Variants in CATSPERE observed in about 807,000 individuals in gnomAD.
CATSPERE encodes the protein cation channel sperm-associated auxiliary subunit epsilon.
CATSPERE carries 93 observed loss-of-function variants against 114.1 expected under a neutral mutation model. That is an observed-to-expected ratio of 0.81 (90% CI 0.69 to 0.97). CATSPERE has a LOEUF of 0.97. CATSPERE is among the 50% of genes least tolerant of loss of function. The pLI is 0.00. For synonymous variants in CATSPERE, 341 were observed against 384.1 expected (o/e 0.89, Z 1.31); for missense variants, 1,058 against 1,131.6 (o/e 0.93, Z 0.93).
At chr1:244,580,162 G>A (rs1036616187) in intron 11 of CATSPERE, among the ~76,000 whole-genome samples, 61 of 150,756 alleles carry the variant, frequency 4.0e-4, no homozygotes, top group African/African-American at 1.1e-3. Flanking sequence ...TCAGCCTCCC[G>A]AGTAATTGGG....
chr1:244,547,590 A>C (rs1428699668), intron 8 of CATSPERE, among the ~76,000 whole-genome samples: 1 of 118,562 alleles, frequency 8.4e-6, no homozygotes, highest in African/African-American at 4.7e-5. Flanking sequence ...ATTTCAATCT[A>C]AGTTAAGTTG....
At position 244,596,339 on chromosome 1, in the gene CATSPERE, T is replaced by A. The variant is rs147853202; in HGVS notation, c.2303+2761T>A. Reference sequence around the variant, plus strand: ...ATATAGCTAGCCAGCAATCCATGAGTGCTACTCTGCCTATGCGATAGCCCT... The same window carrying A: ...ATATAGCTAGCCAGCAATCCATGAGAGCTACTCTGCCTATGCGATAGCCCT... On this transcript the variant is annotated intron_variant, in intron 17 of 21. Transcript: ENST00000366534. Among the ~76,000 whole-genome samples the A allele has an allele frequency of 8.1e-3, 1,234 of 152,290 alleles. 21 individuals are homozygous for A. The highest frequency in any genetic ancestry group is 0.028 in the African/African-American group (1,162 of 41,544).
rs866118488 is a variant in CATSPERE, at chr1:244,621,084, A to T, written c.2648+3398A>T. ...TAAATATATATAAAATATATATATAAATATATATAAAATATATATAAATAT... is the reference window on the plus strand; with the variant it reads ...TAAATATATATAAAATATATATATATATATATATAAAATATATATAAATAT... On this transcript the variant is annotated intron_variant, in intron 20 of 21. Coordinates refer to ENST00000366534, the MANE Select transcript of CATSPERE (RefSeq NM_001130957.2). 3.6e-3 allele frequency among the ~76,000 whole-genome samples: 249 copies of T among 69,222 alleles called. 15 individuals are homozygous for T. Among genetic ancestry groups the T allele is most frequent in the African/African-American group, 0.015 (242 of 16,542 alleles). 45.4% of individuals were successfully genotyped at this position (69,222 alleles called of 152,430 possible).
At chr1:244,549,421 C>CTG (rs1553353643) in intron 8 of CATSPERE, among the ~76,000 whole-genome samples, 1 of 2,430 alleles carries the variant, frequency 4.1e-4, no homozygotes, top group Non-Finnish European at 5.9e-3. Flanking sequence ...GTGTGTATGT[C>CTG]TATATATATA....
chr1:244,533,386 C>T (rs1026225831), intron 8 of CATSPERE, among the ~76,000 whole-genome samples: 1 of 151,974 alleles, frequency 6.6e-6, no homozygotes. Flanking sequence ...AGGATGTACT[C>T]CTGTGATTTT....
intron 20 of CATSPERE, among the ~76,000 whole-genome samples, chr1:244,624,017 A>G (rs552764972): frequency 1.3e-5 from 2 of 151,994 alleles, no homozygotes; most frequent in Admixed American, 6.6e-5. Context: ...GCTGGAGTGC[A>G]GTGGCGCAAT....
At chr1:244,478,953 G>A (rs1474495546) in intron 4 of CATSPERE, among the ~76,000 whole-genome samples, 5 of 148,576 alleles carry the variant, frequency 3.4e-5, no homozygotes, top group African/African-American at 9.9e-5. Flanking sequence ...GCTCGAACCC[G>A]GGAGGTGGAA....
At chr1:244,558,177 G>A (rs1448382633) in intron 9 of CATSPERE, among the ~76,000 whole-genome samples, 1 of 66,188 alleles carries the variant, frequency 1.5e-5, no homozygotes, top group African/African-American at 6.1e-5. Flanking sequence ...TTTTACTCTT[G>A]TTGCCCAGGC....
chr1:244,452,981 C>T (rs1381704429), upstream of CATSPERE, among the ~76,000 whole-genome samples: 1 of 152,196 alleles, frequency 6.6e-6, no homozygotes, highest in Non-Finnish European at 1.5e-5. Context: ...ATCGCCTGTA[C>T]ATACTGTATG....
chr1:244,587,012 T>C (rs1292924863), intron 13 of CATSPERE, among the ~76,000 whole-genome samples: 13 of 152,224 alleles, frequency 8.5e-5, no homozygotes, highest in Non-Finnish European at 1.9e-4. Flanking sequence ...AGTAATTAAT[T>C]GTATTTTAGT....
intron 14 of CATSPERE, among the ~76,000 whole-genome samples, chr1:244,588,990 T>A (rs992918698): frequency 6.6e-6 from 1 of 152,218 alleles, no homozygotes; most frequent in African/African-American, 2.4e-5. Flanking sequence ...GGAAATTTCT[T>A]AGAACAAGCC....
At chr1:244,602,803 T>C (rs1004956338) in intron 17 of CATSPERE, among the ~76,000 whole-genome samples, 3 of 152,182 alleles carry the variant, frequency 2.0e-5, no homozygotes, top group African/African-American at 7.2e-5. Context: ...GAGGATTCGC[T>C]TTAGTCAGGT....
intron 6 of CATSPERE, among the ~76,000 whole-genome samples, chr1:244,491,696 G>C (rs1672199261): frequency 1.3e-5 from 2 of 151,920 alleles, no homozygotes; most frequent in African/African-American, 2.4e-5. Context: ...TAGACCGCTA[G>C]CAAGACTAAT....
chr1:244,474,034 C>CTTTTTT (rs941823787), intron 2 of CATSPERE, among the ~76,000 whole-genome samples: 1 of 149,674 alleles, frequency 6.7e-6, no homozygotes, highest in Non-Finnish European at 1.5e-5. Flanking sequence ...CTTTTTTTTG[C>CTTTTTT]TTTTTTTTTG....
chr1:244,546,221 G>A (rs144002097), intron 8 of CATSPERE, among the ~76,000 whole-genome samples: 176 of 152,256 alleles, frequency 1.2e-3, no homozygotes, highest in African/African-American at 4.0e-3. Flanking sequence ...GCTTGGTGCT[G>A]TACCAACTGT....
intron 20 of CATSPERE, among the ~76,000 whole-genome samples, chr1:244,629,081 T>C (rs1673571124): frequency 6.6e-6 from 1 of 152,204 alleles, no homozygotes; most frequent in Non-Finnish European, 1.5e-5. Context: ...ATGAGCGGTT[T>C]CTCAAGAGAA....
At chr1:244,621,039 AAT>A (rs1208971800) in intron 20 of CATSPERE, among the ~76,000 whole-genome samples, 10,087 of 37,494 alleles carry the variant, frequency 0.27, 2,738 homozygotes, top group Non-Finnish European at 0.28. Context: ...ATATATATAA[AAT>A]ATATATATAA....
In CATSPERE at chr1:244,510,400, T is replaced by C. The variant is rs562562310; in HGVS notation, c.430-8192T>C. On this transcript the variant is annotated intron_variant, in intron 7 of 21. Coordinates refer to ENST00000366534, the MANE Select transcript of CATSPERE (RefSeq NM_001130957.2). ...TCCCTAGAATGTCCACTTTCGTCCA[T>C]GTATTTTTATAGTTTCAAATATTCC... Among the ~76,000 whole-genome samples, 22 of 152,334 alleles carry C rather than the reference T, an allele frequency of 1.4e-4. No homozygotes were observed. In the South Asian group the frequency reaches 2.5e-3, roughly 17 times the overall value.
chr1:244,638,736 A>G (rs1558637743), intron 21 of CATSPERE, among the ~76,000 whole-genome samples: 1 of 152,214 alleles, frequency 6.6e-6, no homozygotes, highest in Non-Finnish European at 1.5e-5. Flanking sequence ...ATATAGCCAT[A>G]TGGAAGGAAG....
Sources: allele counts gnomAD v4.1 joint callset (sites outside exome capture counted in the v4.1 genomes callset), GRCh38; gene constraint gnomAD v4.1.1; transcripts MANE v1.5; gene names NCBI Gene and HGNC (gene_info 2026-07-23, HGNC 2026-07-21).